MGA: variants seen among roughly 807,000 people sequenced by gnomAD.
MGA encodes MAX gene-associated protein.
In MGA, 40 loss-of-function variants were observed where a neutral mutation model predicts 261.1. That is an observed-to-expected ratio of 0.15 (90% CI 0.12 to 0.20). The LOEUF is 0.20. Among genes scored for constraint, MGA ranks in the 10% least tolerant of loss-of-function variants. MGA has a pLI of 1.00. For synonymous variants in MGA, 1,302 were observed against 1,290.6 expected, an observed-to-expected ratio of 1.01 and a Z score of -0.19; for missense variants, 3,397 against 3,630.5, an observed-to-expected ratio of 0.94 and a Z score of 1.65.
chr15:41,759,906 G>A (rs573955447), intron 19 of MGA, among the ~76,000 whole-genome samples: 1 of 152,274 alleles, frequency 6.6e-6, no homozygotes, highest in East Asian at 1.9e-4. Flanking sequence ...AGGTGATTTA[G>A]AAGAGTGGCA....
In MGA at chr15:41,742,964, C is replaced by T. The variant is rs757978303; in HGVS notation, c.5004C>T (p.Thr1668=). Residue 1668 remains threonine, a synonymous_variant, in exon 15 of 24, where the codon ACC becomes ACT. Transcript: ENST00000219905. ...TTACCAAAACCACTGGGATAACTAC[C>T]CCTGTGGCTTCAGTTGCTTTTCCTA... 4 of 1,613,856 alleles carry T rather than the reference C, an allele frequency of 2.5e-6. No homozygotes were observed. The highest frequency in any genetic ancestry group is 3.4e-6 in the Non-Finnish European group (4 of 1,179,898).
At position 41,725,852 on chromosome 15, in the gene MGA, A is replaced by T. The variant is rs1227263890; in HGVS notation, c.3431-1328A>T. Among the ~76,000 whole-genome samples, 4 of 143,726 alleles carry T rather than the reference A, an allele frequency of 2.8e-5. 2 individuals are homozygous for T. The highest frequency in any genetic ancestry group is 5.4e-5 in the African/African-American group (2 of 37,184). 94.3% of individuals were successfully genotyped at this position (143,726 alleles called of 152,430 possible). A position where few individuals can be genotyped will look rare whatever the true frequency, so the allele number is the denominator to read the frequency against. ...TCCGTCTCAAAAAAAAAAAAAAAAA[A>T]AAAATAAATAAATAAATAAATAAAT... On this transcript the variant is annotated intron_variant, in intron 9 of 23. Transcript: ENST00000219905.
At chr15:41,682,183 T>C (rs2058719190) in intron 2 of MGA, among the ~76,000 whole-genome samples, 2 of 151,872 alleles carry the variant, frequency 1.3e-5, no homozygotes, top group Admixed American at 1.3e-4. Context: ...ACCCAAAGTG[T>C]TGGGATTATA....
Position 41,634,823 on chromosome 15 carries a change from C to T in MGA, c.-68+13525C>T, listed in dbSNP as rs1425585323. ...AAAGAGAGGGAGGGAGGGTTATGGTCCCACCATTGAGACCTCGAGCTTCAG... is the reference window on the plus strand; with the variant it reads ...AAAGAGAGGGAGGGAGGGTTATGGTTCCACCATTGAGACCTCGAGCTTCAG... On this transcript the variant is annotated intron_variant, in intron 1 of 8. Coordinates refer to the MGA transcript ENST00000566718. 2.0e-5 allele frequency among the ~76,000 whole-genome samples: 3 copies of T among 152,066 alleles called. No individual in the cohort carries two copies. In the East Asian group the frequency reaches 5.8e-4, roughly 29 times the overall value.
chr15:41,745,036 G>C (rs969437874), intron 15 of MGA, among the ~76,000 whole-genome samples: 1 of 151,998 alleles, frequency 6.6e-6, no homozygotes, highest in Non-Finnish European at 1.5e-5. Flanking sequence ...CCGCCACCAC[G>C]CAGTGGTGTA....
At chr15:41,745,042 G>T (rs1345442569) in intron 15 of MGA, among the ~76,000 whole-genome samples, 1 of 151,930 alleles carries the variant, frequency 6.6e-6, no homozygotes, top group Non-Finnish European at 1.5e-5. Flanking sequence ...CCACGCAGTG[G>T]TGTATATTAT....
chr15:41,658,457 T>TAAAAAAGAA (rs894966144), upstream of MGA, among the ~76,000 whole-genome samples: 1 of 151,904 alleles, frequency 6.6e-6, no homozygotes, highest in African/African-American at 2.4e-5. Flanking sequence ...AAACAAAAAA[T>TAAAAAAGAA]AAAAAAGAAA....
chr15:41,669,878 A>G lies in MGA; in HGVS notation c.984A>G (p.Ile328Met), dbSNP rs1332410795. 3 of 1,613,918 alleles carry G rather than the reference A, an allele frequency of 1.9e-6. No individual in the cohort carries two copies. Among genetic ancestry groups the G allele is most frequent in the African/African-American group, 1.3e-5 (1 of 74,930 alleles). ...GTTTGGAGAAGACTTCCCTTAATAT[A>G]AAACGAGACTTTCTTGGTTTCATGG... Residue 328 changes from isoleucine (I) to methionine (M), a missense_variant, in exon 2 of 24, where the codon ATA becomes ATG. Around this residue, in one of 9 missense-constraint regions of MGA, gnomAD observed 563 missense variants for 563.6 expected, o/e 1.00. Transcript: ENST00000219905.
At chr15:41,753,939 AGACAG>A (rs2062995232) in intron 17 of MGA, among the ~76,000 whole-genome samples, 1 of 152,086 alleles carries the variant, frequency 6.6e-6, no homozygotes, top group Non-Finnish European at 1.5e-5. Flanking sequence ...ATTTGTTTTG[AGACAG>A]TCTTACTCTT....
At chr15:41,741,695 A>G (rs991054328) in intron 14 of MGA, among the ~76,000 whole-genome samples, 1 of 152,142 alleles carries the variant, frequency 6.6e-6, no homozygotes, top group African/African-American at 2.4e-5. Flanking sequence ...GAATTTTAGT[A>G]GGAACACTCT....
chr15:41,708,206 A>C lies in MGA; in HGVS notation c.2423A>C (p.Glu808Ala). Residue 808 changes from glutamate (E) to alanine (A), a missense_variant and splice_region_variant, in exon 7 of 24, where the codon GAA (glutamate) becomes GCA (alanine). This residue lies in a region of MGA where 519 missense variants were observed against 554.1 expected (regional missense o/e 0.94). Transcript: ENST00000219905. ...CATAGTGCTTCTGCATCTAGGAATG[A>C]AGGTAATTAGTTTTTTAAAATTTTT... is the stretch of plus-strand genomic sequence containing the variant. 1 of 1,567,454 alleles carries C rather than the reference A, an allele frequency of 6.4e-7. No homozygotes were observed. Among genetic ancestry groups the C allele is most frequent in the Non-Finnish European group, 8.7e-7 (1 of 1,155,424 alleles).
At chr15:41,691,501 C>T (rs1460373230) in intron 2 of MGA, 5 of 318,218 alleles carry the variant, frequency 1.6e-5, no homozygotes, top group Non-Finnish European at 3.4e-5. Context: ...GCTTTTTCCT[C>T]TACAATCTGG....
intron 1 of MGA, among the ~76,000 whole-genome samples, chr15:41,636,385 C>CA (rs929554069): frequency 6.6e-6 from 1 of 151,600 alleles, no homozygotes; most frequent in African/African-American, 2.4e-5. Context: ...CCCCGCCCCC[C>CA]AGGTTCAAGC....
Position 41,749,767 on chromosome 15 carries a change from A to G in MGA, c.6160A>G (p.Thr2054Ala). 2 of 1,614,002 alleles carry G rather than the reference A, an allele frequency of 1.2e-6. No individual in the cohort carries two copies. The highest frequency in any genetic ancestry group is 1.6e-4 in the Middle Eastern group (1 of 6,062). ...CAAACCATCTGAGCATTCCTGTATC[A>G]CTGGGTCACATACAGATCAAGATTA... is the stretch of plus-strand genomic sequence containing the variant. The change falls in exon 17 of 24, where the codon ACT (threonine) becomes GCT (alanine). Residue 2054 changes from threonine (T) to alanine (A), a missense_variant. Transcript: ENST00000219905.
At chr15:41,668,728 G>A (rs962704558) in intron 1 of MGA, 100 bp from the exon 2 acceptor site, 1 of 473,970 alleles carries the variant, frequency 2.1e-6, no homozygotes, top group Non-Finnish European at 3.7e-6. Context: ...GGAATATTTT[G>A]GGGATAACAT....
In MGA at chr15:41,766,997, G is replaced by T. The variant is rs1348379934; in HGVS notation, c.8915G>T (p.Gly2972Val). Residue 2972 changes from glycine (G) to valine (V), a missense_variant, in exon 24 of 24, where the codon GGC (glycine) becomes GTC (valine). This residue lies in a region of MGA where 647 missense variants were observed against 642.4 expected (regional missense o/e 1.01). Transcript: ENST00000219905. ...CCCCCCACCCTACACATGAAGACTG[G>T]CTTGGAGAACAGCAACAGCACAGAC... 6.2e-7 allele frequency: 1 copy of T among 1,613,980 alleles called. No individual in the cohort carries two copies. Among genetic ancestry groups the T allele is most frequent in the Non-Finnish European group, 8.5e-7 (1 of 1,179,902 alleles).
Position 41,766,665 on chromosome 15 carries a change from G to A in MGA, c.8583G>A (p.Arg2861=), listed in dbSNP as rs1432612731. ...CAGAGTTCCCAGGGGATGCTCGGCG[G>A]GCTTTTATTAGTAAGGTTCCTCCTG... The change falls in exon 24 of 24, where the codon CGG becomes CGA. Residue 2861 remains arginine (R), a synonymous_variant. Coordinates refer to ENST00000219905, the MANE Select transcript of MGA (RefSeq NM_001164273.2). The A allele has an allele frequency of 6.2e-7, 1 of 1,613,976 alleles. No homozygotes were observed. Among genetic ancestry groups the A allele is most frequent in the African/African-American group, 1.3e-5 (1 of 75,028 alleles).
rs1365765275 is a variant in MGA, at chr15:41,769,180, C to T, written c.*1900C>T. On this transcript the variant is annotated 3_prime_UTR_variant, in exon 24 of 24. Coordinates refer to ENST00000219905, the MANE Select transcript of MGA (RefSeq NM_001164273.2). ...CCCGTTATTTTCTTGCTTGTCGTTCCCCTACATTTCCTCCTGATTTCCCAA... is the reference window on the plus strand; with the variant it reads ...CCCGTTATTTTCTTGCTTGTCGTTCTCCTACATTTCCTCCTGATTTCCCAA... 1 of 152,566 alleles carries T rather than the reference C, an allele frequency of 6.6e-6. No homozygotes were observed. 9.5% of individuals were successfully genotyped at this position (152,566 alleles called of 1,614,324 possible). A position where few individuals can be genotyped will look rare whatever the true frequency, so the allele number is the denominator to read the frequency against.
At chr15:41,755,169 T>C (rs985883012) in intron 18 of MGA, among the ~76,000 whole-genome samples, 2 of 152,194 alleles carry the variant, frequency 1.3e-5, no homozygotes, top group Non-Finnish European at 2.9e-5. Context: ...CTTATATTGA[T>C]TATGGATTGG....
Sources: gnomAD v4.1 joint callset for allele counts (sites outside exome capture counted in the v4.1 genomes callset) on GRCh38, gnomAD v4.1.1 for gene constraint, gnomAD v4.1.1 regional missense constraint, MANE v1.5 for transcripts, NCBI Gene and HGNC (gene_info 2026-07-23, HGNC 2026-07-21) for gene names.